The following ZNF704 variants were observed in gnomAD, a reference collection of about 807,000 sequenced individuals.
The protein encoded by ZNF704 is glucocorticoid induced gene 1.
A neutral mutation model predicts 44.7 loss-of-function variants in ZNF704; 10 were observed. The observed-to-expected ratio is 0.22, with a 90% CI of 0.14 to 0.38. The LOEUF (loss-of-function observed/expected upper bound fraction) is 0.38. ZNF704 is among the 10% of genes least tolerant of loss of function. The pLI is 1.00. For missense variants in ZNF704, 390 were observed against 545.5 expected, an observed-to-expected ratio of 0.71 and a Z score of 2.84; for synonymous variants, 211 against 207.6, an observed-to-expected ratio of 1.02 and a Z score of -0.14.
chr8:80,870,044 T>C (rs1018325643), intron 1 of ZNF704, among the ~76,000 whole-genome samples: 9 of 152,166 alleles, frequency 5.9e-5, no homozygotes. Flanking sequence ...AAGTTAATTA[T>C]TCCCTGGTCA....
At chr8:80,690,161 T>C (rs1818608442) in intron 3 of ZNF704, among the ~76,000 whole-genome samples, 1 of 152,174 alleles carries the variant, frequency 6.6e-6, no homozygotes, top group Non-Finnish European at 1.5e-5. Context: ...TTTGGGGTTA[T>C]TAGTTGAGTA....
chr8:80,755,338 C>T (rs1251594959), intron 2 of ZNF704, among the ~76,000 whole-genome samples: 2 of 152,074 alleles, frequency 1.3e-5, no homozygotes, highest in African/African-American at 4.8e-5. Context: ...GCCTGTAATC[C>T]CAGCTACTCA....
chr8:80,810,901 G>A (rs554580075), intron 2 of ZNF704, among the ~76,000 whole-genome samples: 1 of 152,228 alleles, frequency 6.6e-6, no homozygotes, highest in Non-Finnish European at 1.5e-5. Flanking sequence ...TACCGTGGAT[G>A]CTCCTCCCCG....
At chr8:80,712,589 A>C (rs1802198837) in intron 2 of ZNF704, among the ~76,000 whole-genome samples, 1 of 152,084 alleles carries the variant, frequency 6.6e-6, no homozygotes, top group Admixed American at 6.5e-5. Context: ...AGGGCACAGG[A>C]AAATGTTTGG....
At chr8:80,697,879 G>A (rs1376092603) in intron 2 of ZNF704, among the ~76,000 whole-genome samples, 1 of 152,168 alleles carries the variant, frequency 6.6e-6, no homozygotes, top group Non-Finnish European at 1.5e-5. Flanking sequence ...TTTTTGTAAG[G>A]CAGGTATATT....
At chr8:80,676,963 C>T (rs577152838) in intron 4 of ZNF704, among the ~76,000 whole-genome samples, 10 of 152,230 alleles carry the variant, frequency 6.6e-5, no homozygotes, top group African/African-American at 2.4e-4. Context: ...ATAACCAGCC[C>T]GAGGCCCGGG....
At position 80,714,784 on chromosome 8, in the gene ZNF704, G is replaced by A. The variant is rs146539775; in HGVS notation, c.222-21677C>T. Among the ~76,000 whole-genome samples, 612 of 152,262 alleles carry A rather than the reference G, an allele frequency of 4.0e-3. 2 individuals are homozygous for A. Among genetic ancestry groups the A allele is most frequent in the African/African-American group, 0.014 (581 of 41,544 alleles). On this transcript the variant is annotated intron_variant, in intron 2 of 8. Transcript: ENST00000327835. Reference sequence around the variant, plus strand: ...GTCCCATTTTAAGTCACATGGCGGCGGTAAGTTGGGGAGAGGGTGGCAAGA... The same window carrying A: ...GTCCCATTTTAAGTCACATGGCGGCAGTAAGTTGGGGAGAGGGTGGCAAGA...
chr8:80,851,690 G>A (rs888948840), intron 1 of ZNF704, among the ~76,000 whole-genome samples: 4 of 151,950 alleles, frequency 2.6e-5, no homozygotes, highest in South Asian at 4.2e-4. Context: ...AAACCTGCAC[G>A]TTGTGCACAT....
intron 5 of ZNF704, among the ~76,000 whole-genome samples, chr8:80,665,483 T>C (rs1196383429): frequency 8.0e-6 from 1 of 125,508 alleles, no homozygotes; most frequent in Non-Finnish European, 1.6e-5. Context: ...TGTGTATACA[T>C]GGACACAGAA....
intron 3 of ZNF704, among the ~76,000 whole-genome samples, 180 bp downstream of exon 3, chr8:80,692,824 G>C (rs1403894340): frequency 6.6e-6 from 1 of 152,172 alleles, no homozygotes; most frequent in African/African-American, 2.4e-5. Flanking sequence ...GGCTCCCTGG[G>C]AAGATGAAGA....
chr8:80,783,996 T>C (rs1807574798), intron 2 of ZNF704, among the ~76,000 whole-genome samples: 1 of 152,216 alleles, frequency 6.6e-6, no homozygotes, highest in African/African-American at 2.4e-5. Flanking sequence ...CCTTTTCAGA[T>C]TGGCTTCTTT....
chr8:80,662,825 G>A (rs1263322894), intron 6 of ZNF704, among the ~76,000 whole-genome samples: 2 of 152,064 alleles, frequency 1.3e-5, no homozygotes, highest in Non-Finnish European at 2.9e-5. Flanking sequence ...TGTTTACAGT[G>A]GAGTTATTAA....
intron 2 of ZNF704, among the ~76,000 whole-genome samples, chr8:80,792,418 T>C (rs564177329): frequency 3.9e-5 from 6 of 152,234 alleles, no homozygotes; most frequent in East Asian, 3.9e-4. Flanking sequence ...TGTGGGGGCA[T>C]ACTCTAACAT....
chr8:80,742,993 A>C (rs913161617), intron 2 of ZNF704, among the ~76,000 whole-genome samples: 2 of 152,118 alleles, frequency 1.3e-5, no homozygotes, highest in African/African-American at 4.8e-5. Flanking sequence ...AGTAGTAAAG[A>C]GAGCTCACTA....
chr8:80,790,952 T>C (rs1807695720), intron 2 of ZNF704, among the ~76,000 whole-genome samples: 2 of 152,100 alleles, frequency 1.3e-5, no homozygotes, highest in Non-Finnish European at 2.9e-5. Context: ...CAGGGCCATG[T>C]CTCAGGGGGC....
At chr8:80,753,709 A>G (rs1352039379) in intron 2 of ZNF704, among the ~76,000 whole-genome samples, 1 of 152,220 alleles carries the variant, frequency 6.6e-6, no homozygotes, top group African/African-American at 2.4e-5. Context: ...TTATCTGAAA[A>G]GGACAGAATG....
chr8:80,826,812 A>G (rs1034985843), intron 1 of ZNF704, among the ~76,000 whole-genome samples: 8 of 152,212 alleles, frequency 5.3e-5, no homozygotes, highest in Admixed American at 2.0e-4. Context: ...AAACAGAACC[A>G]AAGAAAAAAA....
At position 80,664,979 on chromosome 8, in the gene ZNF704, G is replaced by A; in HGVS notation, c.763C>T (p.Pro255Ser). 1 of 1,614,236 alleles carries A rather than the reference G, an allele frequency of 6.2e-7. No homozygotes were observed. The highest frequency in any genetic ancestry group is 8.5e-7 in the Non-Finnish European group (1 of 1,180,046). The change falls in exon 6 of 9, where the codon CCG (proline) becomes TCG (serine). Residue 255 changes from proline to serine, a missense_variant. Pro to Ser is a moderately conservative substitution (Grantham distance 74). Coordinates refer to ENST00000327835, the MANE Select transcript of ZNF704 (RefSeq NM_001033723.3). ...SVADGLSSLA[P>S]VSPSQSLASP... is the part of the protein sequence containing the mutation. ...GCCAGGGACTGGGAAGGTGAGACCG[G>A]GGCCAGGCTGCTCAGCCCGTCTGCC...
intron 7 of ZNF704, among the ~76,000 whole-genome samples, chr8:80,646,078 T>C (rs1275688512): frequency 6.6e-6 from 1 of 152,210 alleles, no homozygotes; most frequent in Non-Finnish European, 1.5e-5. Context: ...CATGTTGATG[T>C]TGGACTTCCC....
Sources: gnomAD v4.1 joint callset for allele counts (sites outside exome capture counted in the v4.1 genomes callset) on GRCh38, gnomAD v4.1.1 for gene constraint, MANE v1.5 for transcripts, NCBI Gene and HGNC (gene_info 2026-07-23, HGNC 2026-07-21) for gene names.